EPC2: variants seen among roughly 807,000 people sequenced by gnomAD.
The protein encoded by EPC2 is enhancer of polycomb homolog 2.
In EPC2, 14 loss-of-function variants were observed where a neutral mutation model predicts 92.1. That is an observed-to-expected ratio of 0.15 (90% CI 0.10 to 0.24). The LOEUF is 0.24. Among genes scored for constraint, EPC2 ranks in the 10% least tolerant of loss-of-function variants. EPC2 has a pLI of 1.00. For synonymous variants in EPC2, 340 were observed against 334.7 expected, an observed-to-expected ratio of 1.02 and a Z score of -0.17; for missense variants, 755 against 971.5, an observed-to-expected ratio of 0.78 and a Z score of 2.96.
chr2:148,774,904 G>A (rs1231390956), intron 10 of EPC2, among the ~76,000 whole-genome samples: 2 of 151,316 alleles, frequency 1.3e-5, no homozygotes, highest in African/African-American at 2.4e-5. Context: ...TGACTAACAC[G>A]ATGAAACCCC....
At chr2:148,682,735 C>T (rs1263177485) in intron 1 of EPC2, among the ~76,000 whole-genome samples, 1 of 152,100 alleles carries the variant, frequency 6.6e-6, no homozygotes, top group Admixed American at 6.6e-5. Context: ...TATAATGAAT[C>T]TCCATGTGGT....
chr2:148,732,040 T>C (rs1321988893), intron 2 of EPC2, among the ~76,000 whole-genome samples: 6 of 152,224 alleles, frequency 3.9e-5, no homozygotes, highest in Non-Finnish European at 5.9e-5. Flanking sequence ...ATTTGCAGTC[T>C]TTTGTAACAA....
At chr2:148,730,084 A>G (rs1254179137) in intron 2 of EPC2, among the ~76,000 whole-genome samples, 1 of 152,200 alleles carries the variant, frequency 6.6e-6, no homozygotes, top group East Asian at 1.9e-4. Context: ...TATGGCTTTG[A>G]ACTTTTCTGC....
At chr2:148,651,424 A>T (rs930253918) in intron 1 of EPC2, among the ~76,000 whole-genome samples, 2 of 152,160 alleles carry the variant, frequency 1.3e-5, no homozygotes, top group African/African-American at 4.8e-5. Flanking sequence ...CTTCAGCACT[A>T]AAAACCGTTT....
At position 148,762,670 on chromosome 2, in the gene EPC2, A is replaced by T; in HGVS notation, c.816A>T (p.Arg272Ser). The T allele has an allele frequency of 6.3e-7, 1 of 1,585,608 alleles. No individual in the cohort carries two copies. The highest frequency in any genetic ancestry group is 8.6e-7 in the Non-Finnish European group (1 of 1,167,642). ...CTTATATTTTTGTTACCTTTTCAAG[A>T]TACCATTTGGGAGACTATGGTGGTG... ...LHLTLEVVEK[R>S]YHLGDYGGEI... Residue 272 changes from arginine (R) to serine (S), a missense_variant and splice_region_variant, in exon 6 of 14, where the codon AGA (arginine) becomes AGT (serine). Coordinates refer to ENST00000258484, the MANE Select transcript of EPC2 (RefSeq NM_015630.4).
chr2:148,737,520 C>T (rs1682781570), intron 2 of EPC2, among the ~76,000 whole-genome samples: 1 of 152,056 alleles, frequency 6.6e-6, no homozygotes, highest in Admixed American at 6.6e-5. Flanking sequence ...TTGTAGACTT[C>T]CACTACTCTC....
chr2:148,701,605 T>C (rs1574591579), intron 2 of EPC2, among the ~76,000 whole-genome samples: 1 of 152,310 alleles, frequency 6.6e-6, no homozygotes, highest in East Asian at 1.9e-4. Flanking sequence ...TGTATAATTT[T>C]TATATGTTGG....
intron 1 of EPC2, among the ~76,000 whole-genome samples, chr2:148,675,598 T>C (rs1681247428): frequency 6.6e-6 from 1 of 152,162 alleles, no homozygotes; most frequent in Non-Finnish European, 1.5e-5. Context: ...GCTTTTTTCA[T>C]TCTAACTCTT....
chr2:148,703,614 G>C (rs1053394062), intron 2 of EPC2, among the ~76,000 whole-genome samples: 1 of 152,022 alleles, frequency 6.6e-6, no homozygotes, highest in Non-Finnish European at 1.5e-5. Context: ...CTGCAGCTTT[G>C]ACCTCCCAGG....
At chr2:148,712,746 G>A (rs1682175040) in intron 2 of EPC2, among the ~76,000 whole-genome samples, 1 of 151,098 alleles carries the variant, frequency 6.6e-6, no homozygotes, top group African/African-American at 2.4e-5. Flanking sequence ...AGCCAGGTGT[G>A]GTAATATATT....
chr2:148,753,855 T>C, intron 3 of EPC2, 72 bp from the exon 4 acceptor site: 13 of 1,354,386 alleles, frequency 9.6e-6, no homozygotes, highest in Non-Finnish European at 1.3e-5. Flanking sequence ...CATTTTTTTC[T>C]ACAGCCATAA....
intron 2 of EPC2, among the ~76,000 whole-genome samples, chr2:148,736,078 T>C (rs945868633): frequency 3.1e-4 from 47 of 152,292 alleles, no homozygotes; most frequent in African/African-American, 1.1e-3. Flanking sequence ...AAAATTATTT[T>C]GTAACCCCTA....
intron 7 of EPC2, among the ~76,000 whole-genome samples, chr2:148,768,441 T>C (rs1683456388): frequency 6.6e-6 from 1 of 152,238 alleles, no homozygotes; most frequent in Non-Finnish European, 1.5e-5. Context: ...TTTGGCCTGA[T>C]AGGACATGGC....
chr2:148,658,537 A>C (rs1273654680), intron 1 of EPC2, among the ~76,000 whole-genome samples: 1 of 151,938 alleles, frequency 6.6e-6, no homozygotes, highest in Admixed American at 6.6e-5. Context: ...GTCACAAATA[A>C]AATTTAGCAA....
chr2:148,750,737 A>C (rs1459601227), intron 3 of EPC2, among the ~76,000 whole-genome samples: 2 of 152,076 alleles, frequency 1.3e-5, no homozygotes, highest in Non-Finnish European at 2.9e-5. Flanking sequence ...TTCATTCTTG[A>C]AGAGTATAAG....
intron 2 of EPC2, among the ~76,000 whole-genome samples, chr2:148,720,959 T>C (rs1429850469): frequency 2.6e-5 from 4 of 152,220 alleles, no homozygotes; most frequent in African/African-American, 4.8e-5. Flanking sequence ...AATTGCTTCA[T>C]TAAGACTATA....
At chr2:148,695,886 AT>A (rs1681736995) in intron 2 of EPC2, among the ~76,000 whole-genome samples, 1 of 152,248 alleles carries the variant, frequency 6.6e-6, no homozygotes, top group Admixed American at 6.5e-5. Flanking sequence ...ATTTTGTCAG[AT>A]TTGTGGAGAA....
Position 148,694,304 on chromosome 2 carries a change from T to C in EPC2, c.313+3931T>C, listed in dbSNP as rs145839886. 6.4e-3 allele frequency among the ~76,000 whole-genome samples: 976 copies of C among 152,332 alleles called. 11 individuals carry two copies. The highest frequency in any genetic ancestry group is 0.022 in the African/African-American group (928 of 41,578). ...GTTGGGAGTGGACTCCAATCTGTTA[T>C]GAAAGTGAGACAAACATTCTTGTTC... On this transcript the variant is annotated intron_variant, in intron 2 of 13. Coordinates refer to ENST00000258484, the MANE Select transcript of EPC2 (RefSeq NM_015630.4).
intron 1 of EPC2, among the ~76,000 whole-genome samples, chr2:148,652,825 G>T (rs576202793): frequency 6.6e-6 from 1 of 152,148 alleles, no homozygotes; most frequent in Non-Finnish European, 1.5e-5. Flanking sequence ...CTAGAGCCTA[G>T]TAGAGCAATC....
Sources: allele counts gnomAD v4.1 joint callset (sites outside exome capture counted in the v4.1 genomes callset), GRCh38; gene constraint gnomAD v4.1.1; transcripts MANE v1.5; gene names NCBI Gene and HGNC (gene_info 2026-07-23, HGNC 2026-07-21).